The following GATM variants were observed in gnomAD, a reference collection of about 807,000 sequenced individuals.
The protein encoded by GATM is glycine amidinotransferase, mitochondrial.
GATM carries 23 observed loss-of-function variants against 54.2 expected under a neutral mutation model. The ratio of observed to expected loss-of-function variants is 0.42; its 90% CI spans 0.31 to 0.60. The LOEUF is 0.60. Among genes scored for constraint, GATM ranks in the 20% least tolerant of loss-of-function variants. The probability of loss-of-function intolerance (pLI) is 0.14; values close to 1 mark genes in which losing one functional copy is unlikely to be tolerated. For missense variants in GATM, 401 were observed against 544.9 expected (o/e 0.74, Z 2.63); for synonymous variants, 168 against 183.1 (o/e 0.92, Z 0.67).
At chr15:45,400,685 T>C (rs190755486) in intron 1 of GATM, among the ~76,000 whole-genome samples, 132 of 152,384 alleles carry the variant, frequency 8.7e-4, no homozygotes, top group Non-Finnish European at 1.6e-3. Context: ...GATTTAACTT[T>C]ATTGGCTCCC....
chr15:45,382,091 A>T (rs1238468926), upstream of GATM, among the ~76,000 whole-genome samples: 1 of 152,246 alleles, frequency 6.6e-6, no homozygotes, highest in Non-Finnish European at 1.5e-5. Flanking sequence ...TGGAGTTTTT[A>T]AAAAGGAAGC....
chr15:45,379,181 T>A (rs921673112), upstream of GATM: 4 of 152,206 alleles, frequency 2.6e-5, no homozygotes, highest in African/African-American at 9.6e-5. Context: ...GGGTCAGAAA[T>A]AAGGGAGGAC....
chr15:45,398,130 T>C (rs1019590264), intron 2 of GATM, among the ~76,000 whole-genome samples: 1 of 152,228 alleles, frequency 6.6e-6, no homozygotes, highest in African/African-American at 2.4e-5. Context: ...GACTTCCCAG[T>C]AGACTATAAG....
At chr15:45,387,664 T>G (rs1246806182) in intron 3 of GATM, among the ~76,000 whole-genome samples, 1 of 152,252 alleles carries the variant, frequency 6.6e-6, no homozygotes, top group African/African-American at 2.4e-5. Flanking sequence ...TAAATGTTTG[T>G]GGAATCAATT....
chr15:45,369,584 A>G, intron 2 of GATM, 63 bp from the exon 3 acceptor site: 1 of 1,417,314 alleles, frequency 7.1e-7, no homozygotes, highest in East Asian at 2.4e-5. Context: ...TGATAGGTTC[A>G]TAGGCAGTAA....
chr15:45,363,081 G>C (rs902170200), intron 8 of GATM, among the ~76,000 whole-genome samples: 2 of 152,076 alleles, frequency 1.3e-5, no homozygotes, highest in Admixed American at 1.3e-4. Context: ...TCAGGAGTTC[G>C]AGACCAGCCT....
At chr15:45,365,769 A>C (rs530461786) in intron 6 of GATM, among the ~76,000 whole-genome samples, 3 of 152,366 alleles carry the variant, frequency 2.0e-5, no homozygotes, top group Non-Finnish European at 4.4e-5. Flanking sequence ...GTTTGATAAA[A>C]ATACACACAT....
rs992368371 is a variant in GATM at position 45,378,521 on chromosome 15, C to T, written c.-68G>A. On this transcript the variant is annotated 5_prime_UTR_variant, in exon 1 of 9. Coordinates refer to ENST00000396659, the MANE Select transcript of GATM (RefSeq NM_001482.3). Reference sequence around the variant, plus strand: ...CTGGGCCGCGTCGGTCCAAGCCTTCCCGAGAGCGCGCCCGGAGCGGGGTGG... The same window carrying T: ...CTGGGCCGCGTCGGTCCAAGCCTTCTCGAGAGCGCGCCCGGAGCGGGGTGG... The T allele has an allele frequency of 1.6e-6, 2 of 1,255,786 alleles. No individual in the cohort carries two copies. Among genetic ancestry groups the T allele is most frequent in the African/African-American group, 1.6e-5 (1 of 63,230 alleles). 77.8% of individuals were successfully genotyped at this position (1,255,786 alleles called of 1,614,324 possible). A position where few individuals can be genotyped will look rare whatever the true frequency, so the allele number is the denominator to read the frequency against.
chr15:45,381,260 C>G (rs1889738390), upstream of GATM, among the ~76,000 whole-genome samples: 1 of 151,976 alleles, frequency 6.6e-6, no homozygotes, highest in African/African-American at 2.4e-5. Flanking sequence ...TATGCATATT[C>G]AAGTCTAATA....
chr15:45,364,824 T>C lies in GATM; in HGVS notation c.1015A>G (p.Thr339Ala). ...TCTGGGATGATTGGTGTTGGAGGAG[T>C]AATGATAGTCCATCCTGCTTTCTTG... ...LFKKAGWTII[T>A]PPTPIIPDDH... Residue 339 changes from threonine (T) to alanine (A), a missense_variant, in exon 7 of 9, where the codon ACT (threonine) becomes GCT (alanine). By Grantham distance (58) the Thr-to-Ala change is moderately conservative. This residue lies in a region of GATM where 321 missense variants were observed against 457.5 expected (regional missense o/e 0.70). Coordinates refer to ENST00000396659, the MANE Select transcript of GATM (RefSeq NM_001482.3). 6.2e-7 allele frequency: 1 copy of C among 1,613,874 alleles called. No individual in the cohort carries two copies. The highest frequency in any genetic ancestry group is 8.5e-7 in the Non-Finnish European group (1 of 1,179,916).
At chr15:45,366,599 T>C in intron 4 of GATM, 91 bp from the exon 5 acceptor site, 2 of 1,427,612 alleles carry the variant, frequency 1.4e-6, no homozygotes, top group Non-Finnish European at 1.9e-6. Context: ...TAGTTTAACA[T>C]CATTTCCCAA....
intron 1 of GATM, among the ~76,000 whole-genome samples, chr15:45,401,303 AATTG>A (rs909270866): frequency 3.9e-5 from 6 of 152,186 alleles, no homozygotes; most frequent in Admixed American, 2.0e-4. Context: ...CACAGTCTGT[AATTG>A]ATTATTTGCA....
At chr15:45,384,822 C>T (rs1242422800) in intron 3 of GATM, among the ~76,000 whole-genome samples, 1 of 152,134 alleles carries the variant, frequency 6.6e-6, no homozygotes, top group Admixed American at 6.5e-5. Context: ...AATCCTCCCA[C>T]CTCAAACTCC....
In GATM at chr15:45,374,724, G is replaced by C. The variant is rs757026629; in HGVS notation, c.288+1877C>G. ...GACTGGAATAAGATACTTGGTCTTC[G>C]TTTCTATGTGAACATCAAATCTCTT... On this transcript the variant is annotated intron_variant, in intron 2 of 8. Coordinates refer to ENST00000396659, the MANE Select transcript of GATM (RefSeq NM_001482.3). Among the ~76,000 whole-genome samples the C allele has an allele frequency of 2.2e-4, 34 of 152,206 alleles. 1 individual carries two copies. The highest frequency in any genetic ancestry group is 4.4e-4 in the Non-Finnish European group (30 of 68,002).
chr15:45,366,165 G>C lies in GATM; in HGVS notation c.859C>G (p.Pro287Ala). 1.2e-6 allele frequency: 2 copies of C among 1,614,106 alleles called. No individual in the cohort carries two copies. The highest frequency in any genetic ancestry group is 8.5e-7 in the Non-Finnish European group (1 of 1,179,992). Residue 287 changes from proline to alanine, a missense_variant, in exon 6 of 9, where the codon CCA becomes GCA. Coordinates refer to ENST00000396659, the MANE Select transcript of GATM (RefSeq NM_001482.3). ...GAGATGATATGCACTCTGTAGTCTG[G>C]AGCAAGATGCCTACGCATCCATTCA... ...GIEWMRRHLAPDYRVHIISFK... is the reference protein window; with the variant it reads ...GIEWMRRHLAADYRVHIISFK...
intron 8 of GATM, among the ~76,000 whole-genome samples, chr15:45,362,794 G>C (rs1889384293): frequency 6.6e-6 from 1 of 152,188 alleles, no homozygotes; most frequent in African/African-American, 2.4e-5. Flanking sequence ...GTAATGACAA[G>C]GCTATGATGT....
At chr15:45,395,343 C>T (rs549324544) in intron 3 of GATM, among the ~76,000 whole-genome samples, 1 of 152,150 alleles carries the variant, frequency 6.6e-6, no homozygotes, top group East Asian at 1.9e-4. Flanking sequence ...GTATAAAACC[C>T]AAACCAATTT....
chr15:45,399,806 C>A (rs1192312983), intron 1 of GATM, among the ~76,000 whole-genome samples: 2 of 152,208 alleles, frequency 1.3e-5, no homozygotes, highest in African/African-American at 4.8e-5. Context: ...TGGTTCTGGA[C>A]TCCCTCTAGT....
chr15:45,380,242 A>C (rs1362791762), upstream of GATM: 2 of 128,508 alleles, frequency 1.6e-5, no homozygotes, highest in Admixed American at 8.6e-5. Flanking sequence ...GCAAGACTCC[A>C]TCTGGGGAAA....
Sources: gnomAD v4.1 joint callset for allele counts (sites outside exome capture counted in the v4.1 genomes callset) on GRCh38, gnomAD v4.1.1 for gene constraint, gnomAD v4.1.1 regional missense constraint, MANE v1.5 for transcripts, NCBI Gene and HGNC (gene_info 2026-07-23, HGNC 2026-07-21) for gene names.